The following CCSER1 variants were observed in gnomAD, a reference collection of about 807,000 sequenced individuals.
The protein encoded by CCSER1 is serine-rich coiled-coil domain-containing protein 1.
In CCSER1, 41 loss-of-function variants were observed where a neutral mutation model predicts 82.0. The ratio of observed to expected loss-of-function variants is 0.50; its 90% CI spans 0.39 to 0.65. The LOEUF is 0.65. CCSER1 is among the 30% of genes least tolerant of loss of function. The pLI, the probability that CCSER1 is intolerant of heterozygous loss-of-function variation, is 0.00. For synonymous variants in CCSER1, 414 were observed against 383.9 expected, an observed-to-expected ratio of 1.08 and a Z score of -0.92; for missense variants, 1,119 against 1,064.2, an observed-to-expected ratio of 1.05 and a Z score of -0.72.
chr4:90,354,883 T>C (rs1362500076), intron 3 of CCSER1, among the ~76,000 whole-genome samples: 6 of 152,076 alleles, frequency 3.9e-5, no homozygotes, highest in Admixed American at 2.6e-4. Context: ...TTCTTTATTC[T>C]CCTTCCCAGT....
At chr4:91,180,358 T>G (rs1375515107) in intron 10 of CCSER1, among the ~76,000 whole-genome samples, 1 of 152,206 alleles carries the variant, frequency 6.6e-6, no homozygotes, top group Non-Finnish European at 1.5e-5. Flanking sequence ...GACGTTGAAG[T>G]CTGCAGAAGT....
chr4:91,145,201 G>A (rs779626171), intron 10 of CCSER1, among the ~76,000 whole-genome samples: 49 of 151,930 alleles, frequency 3.2e-4, no homozygotes, highest in Non-Finnish European at 5.2e-4. Flanking sequence ...AACTAATATC[G>A]TTATGTAATG....
At chr4:90,884,678 A>G (rs1315604819) in intron 8 of CCSER1, among the ~76,000 whole-genome samples, 1 of 152,154 alleles carries the variant, frequency 6.6e-6, no homozygotes, top group African/African-American at 2.4e-5. Flanking sequence ...TGTTTCTATA[A>G]GCTTGAAATA....
intron 5 of CCSER1, among the ~76,000 whole-genome samples, chr4:90,591,609 T>TGC (rs1291313544): frequency 1.3e-5 from 2 of 152,174 alleles, no homozygotes; most frequent in Non-Finnish European, 2.9e-5. Flanking sequence ...GTTCAACCAT[T>TGC]GTGGAAGATG....
chr4:90,627,001 C>T (rs1723412947), intron 5 of CCSER1, among the ~76,000 whole-genome samples: 1 of 152,110 alleles, frequency 6.6e-6, no homozygotes, highest in Non-Finnish European at 1.5e-5. Context: ...TGAAGTTGTT[C>T]AAAGTTTGAA....
At chr4:90,521,434 G>A (rs928086785) in intron 5 of CCSER1, among the ~76,000 whole-genome samples, 1 of 152,114 alleles carries the variant, frequency 6.6e-6, no homozygotes, top group African/African-American at 2.4e-5. Context: ...TTCATGTGAT[G>A]AAAGAATACA....
intron 10 of CCSER1, among the ~76,000 whole-genome samples, chr4:91,336,610 C>T (rs1275238051): frequency 6.6e-6 from 1 of 151,960 alleles, no homozygotes; most frequent in East Asian, 1.9e-4. Context: ...GGGCTCAATG[C>T]CTAAAATGAT....
At chr4:91,377,328 G>A (rs1025379830) in intron 10 of CCSER1, among the ~76,000 whole-genome samples, 1 of 152,178 alleles carries the variant, frequency 6.6e-6, no homozygotes, top group South Asian at 2.1e-4. Context: ...TCGCCACACT[G>A]TCTTCCACAA....
At chr4:90,566,573 T>A (rs1779403877) in intron 5 of CCSER1, among the ~76,000 whole-genome samples, 1 of 151,924 alleles carries the variant, frequency 6.6e-6, no homozygotes, top group Non-Finnish European at 1.5e-5. Context: ...AGGTTATTCA[T>A]TTTGTTGGTG....
intron 4 of CCSER1, among the ~76,000 whole-genome samples, chr4:90,430,675 G>GA (rs1758146604): frequency 6.6e-6 from 1 of 151,218 alleles, no homozygotes; most frequent in African/African-American, 2.4e-5. Flanking sequence ...TTTTTTTCAA[G>GA]TTTTTTTTCT....
intron 10 of CCSER1, among the ~76,000 whole-genome samples, chr4:91,437,002 C>G (rs113707635): frequency 6.6e-6 from 1 of 152,166 alleles, no homozygotes; most frequent in African/African-American, 2.4e-5. Flanking sequence ...TGAGTGAAGG[C>G]CTGCTGAGAT....
chr4:90,820,543 A>G (rs1259585192), intron 8 of CCSER1, among the ~76,000 whole-genome samples: 1 of 152,114 alleles, frequency 6.6e-6, no homozygotes, highest in African/African-American at 2.4e-5. Context: ...TATATACATG[A>G]CATGGAAGCC....
chr4:90,409,080 A>T (rs958808258), intron 4 of CCSER1, among the ~76,000 whole-genome samples: 3 of 152,222 alleles, frequency 2.0e-5, no homozygotes. Flanking sequence ...AGTTTAGAGA[A>T]AAAAGAATAA....
chr4:91,406,012 C>G (rs187052195), intron 10 of CCSER1, among the ~76,000 whole-genome samples: 1 of 151,940 alleles, frequency 6.6e-6, no homozygotes, highest in African/African-American at 2.4e-5. Context: ...AACTGCCTCC[C>G]GATATATGTA....
At chr4:90,622,056 G>A (rs972388451) in intron 5 of CCSER1, among the ~76,000 whole-genome samples, 4 of 152,176 alleles carry the variant, frequency 2.6e-5, no homozygotes, top group African/African-American at 9.7e-5. Flanking sequence ...AAATGTGGTT[G>A]TAAGTTATTT....
At chr4:90,572,844 T>G (rs1780281878) in intron 5 of CCSER1, among the ~76,000 whole-genome samples, 1 of 152,242 alleles carries the variant, frequency 6.6e-6, no homozygotes, top group African/African-American at 2.4e-5. Context: ...GTTTAGCCAT[T>G]GATACCATAT....
intron 10 of CCSER1, among the ~76,000 whole-genome samples, chr4:91,539,910 C>T (rs901837381): frequency 9.9e-5 from 15 of 151,792 alleles, no homozygotes; most frequent in African/African-American, 3.1e-4. Flanking sequence ...CACAGATTGA[C>T]GATGTGCAAA....
At chr4:90,547,794 AT>A (rs1354547237) in intron 5 of CCSER1, among the ~76,000 whole-genome samples, 5 of 152,060 alleles carry the variant, frequency 3.3e-5, no homozygotes, top group Non-Finnish European at 5.9e-5. Flanking sequence ...TTTGGCTCTA[AT>A]TTTTTTGTAC....
intron 9 of CCSER1, among the ~76,000 whole-genome samples, chr4:90,981,227 T>A (rs925002975): frequency 1.3e-5 from 2 of 151,850 alleles, no homozygotes; most frequent in Non-Finnish European, 2.9e-5. Flanking sequence ...ATTTCTTTTC[T>A]TCCCCTTTCC....
Sources: gnomAD v4.1 joint callset for allele counts (sites outside exome capture counted in the v4.1 genomes callset) on GRCh38, gnomAD v4.1.1 for gene constraint, MANE v1.5 for transcripts, NCBI Gene and HGNC (gene_info 2026-07-23, HGNC 2026-07-21) for gene names.